Variants in ENTPD1 observed in about 807,000 individuals in gnomAD.
ENTPD1 encodes the protein ectonucleoside triphosphate diphosphohydrolase 1.
Under a neutral mutation model 57.0 loss-of-function variants are expected in ENTPD1, and 33 were observed. The ratio of observed to expected loss-of-function variants is 0.58; its 90% CI spans 0.44 to 0.77. The LOEUF (loss-of-function observed/expected upper bound fraction) is 0.77. Among genes scored for constraint, ENTPD1 ranks in the 30% least tolerant of loss-of-function variants. The pLI is 0.00. For synonymous variants in ENTPD1, 202 were observed against 218.8 expected, an observed-to-expected ratio of 0.92 and a Z score of 0.68; for missense variants, 501 against 603.4, an observed-to-expected ratio of 0.83 and a Z score of 1.78.
At chr10:95,860,693 A>G in intron 8 of ENTPD1, 111 bp downstream of exon 8, 1 of 888,026 alleles carries the variant, frequency 1.1e-6, no homozygotes. Context: ...AGATCCAGCA[A>G]ATGTGTTAGA....
At chr10:95,712,113 A>C in intron 1 of ENTPD1, 1 of 1,470,646 alleles carries the variant, frequency 6.8e-7, no homozygotes, top group Non-Finnish European at 9.4e-7. Context: ...TAATGAGAAA[A>C]AAGGATTTGT....
intron 1 of ENTPD1, among the ~76,000 whole-genome samples, chr10:95,719,943 C>T (rs2097975711): frequency 6.6e-6 from 1 of 152,164 alleles, no homozygotes; most frequent in African/African-American, 2.4e-5. Context: ...ACTCTGCTTC[C>T]TCTGGTATTT....
upstream of ENTPD1, among the ~76,000 whole-genome samples, chr10:95,710,647 A>G (rs985979006): frequency 6.6e-6 from 1 of 152,184 alleles, no homozygotes; most frequent in Admixed American, 6.5e-5. Flanking sequence ...ATTTTTCTTT[A>G]GCCATTTAGT....
chr10:95,756,288 A>C, intron 1 of ENTPD1, 33 bp downstream of exon 1: 13 of 1,557,078 alleles, frequency 8.3e-6, no homozygotes, highest in Non-Finnish European at 1.1e-5. Flanking sequence ...CTGAATCCTT[A>C]AGAAAAAAAA....
intron 1 of ENTPD1, among the ~76,000 whole-genome samples, chr10:95,786,363 G>A (rs2098179866): frequency 6.6e-6 from 1 of 152,140 alleles, no homozygotes; most frequent in South Asian, 2.1e-4. Flanking sequence ...GAGGATGGAG[G>A]GTACTTTGAG....
intron 1 of ENTPD1, among the ~76,000 whole-genome samples, chr10:95,761,096 C>T (rs936735981): frequency 6.6e-5 from 10 of 152,112 alleles, no homozygotes; most frequent in African/African-American, 2.4e-4. Flanking sequence ...TCCCAGAGTG[C>T]TGGGATTACA....
upstream of ENTPD1, among the ~76,000 whole-genome samples, chr10:95,710,927 C>T (rs1013835381): frequency 6.6e-6 from 1 of 152,108 alleles, no homozygotes; most frequent in Non-Finnish European, 1.5e-5. Flanking sequence ...CAGCCTCTTT[C>T]GCAGATAGCT....
intron 1 of ENTPD1, among the ~76,000 whole-genome samples, chr10:95,762,286 A>G (rs1416349073): frequency 6.6e-6 from 1 of 151,724 alleles, no homozygotes; most frequent in Non-Finnish European, 1.5e-5. Flanking sequence ...GTCCGTGAGG[A>G]TACAAGTAAC....
chr10:95,720,764 G>A (rs1294732104), intron 1 of ENTPD1, among the ~76,000 whole-genome samples: 1 of 152,160 alleles, frequency 6.6e-6, no homozygotes, highest in Non-Finnish European at 1.5e-5. Context: ...TGGACGAGGG[G>A]GCAGCTTATT....
chr10:95,808,626 A>C (rs1351029520), intron 1 of ENTPD1, among the ~76,000 whole-genome samples: 1 of 152,076 alleles, frequency 6.6e-6, no homozygotes, highest in African/African-American at 2.4e-5. Flanking sequence ...TAGGGGAAAA[A>C]ACTTTCAAGG....
At chr10:95,847,755 A>G (rs997749145) in intron 7 of ENTPD1, 49 bp downstream of exon 7, 2 of 1,612,096 alleles carry the variant, frequency 1.2e-6, no homozygotes, top group East Asian at 2.2e-5. Flanking sequence ...TACAAGTTAT[A>G]GAATATGTGC....
chr10:95,793,623 G>C (rs2098214706), intron 1 of ENTPD1, among the ~76,000 whole-genome samples: 1 of 152,172 alleles, frequency 6.6e-6, no homozygotes, highest in Admixed American at 6.6e-5. Context: ...CCTCACCTCA[G>C]ACTTACTGAA....
intron 7 of ENTPD1, among the ~76,000 whole-genome samples, chr10:95,858,084 GAC>G (rs2098458526): frequency 6.6e-6 from 1 of 151,236 alleles, no homozygotes; most frequent in Non-Finnish European, 1.5e-5. Context: ...CGTGAACCCG[GAC>G]GCAGAGCTTG....
the ENTPD1 span, among the ~76,000 whole-genome samples, chr10:95,703,633 T>A: frequency 6.6e-6 from 1 of 151,656 alleles, no homozygotes; most frequent in South Asian, 2.1e-4. Flanking sequence ...AATACAAAAA[T>A]TAGCCAGGCG....
chr10:95,856,841 CATAT>C (rs1302589287), intron 7 of ENTPD1, among the ~76,000 whole-genome samples: 3 of 150,480 alleles, frequency 2.0e-5, no homozygotes, highest in Admixed American at 2.0e-4. Context: ...TACATATACA[CATAT>C]ATAATTATAT....
At chr10:95,797,290 C>G (rs1431006838) in intron 1 of ENTPD1, among the ~76,000 whole-genome samples, 2 of 151,882 alleles carry the variant, frequency 1.3e-5, no homozygotes, top group Non-Finnish European at 2.9e-5. Context: ...CATAGAACAT[C>G]CAAGCAGATA....
chr10:95,696,800 T>C, the ENTPD1 span, among the ~76,000 whole-genome samples: 1 of 152,246 alleles, frequency 6.6e-6, no homozygotes, highest in South Asian at 2.1e-4. Flanking sequence ...CATATGATAC[T>C]AGCAGTTGTC....
chr10:95,772,229 C>A (rs1589758376), intron 1 of ENTPD1, among the ~76,000 whole-genome samples: 1 of 152,230 alleles, frequency 6.6e-6, no homozygotes, highest in African/African-American at 2.4e-5. Flanking sequence ...GTGGCTGTGG[C>A]AATTTATTAA....
chr10:95,798,291 C>T (rs1158257502), intron 1 of ENTPD1, among the ~76,000 whole-genome samples: 2 of 151,838 alleles, frequency 1.3e-5, no homozygotes, highest in Non-Finnish European at 2.9e-5. Flanking sequence ...GTGGGTTCAG[C>T]AAGTAGGGAG....
Sources: gnomAD v4.1 joint callset for allele counts (sites outside exome capture counted in the v4.1 genomes callset) on GRCh38, gnomAD v4.1.1 for gene constraint, MANE v1.5 for transcripts, NCBI Gene and HGNC (gene_info 2026-07-23, HGNC 2026-07-21) for gene names.